Variants in KIF9 observed in about 807,000 individuals in gnomAD.
The protein encoded by KIF9 is kinesin family member 9.
A neutral mutation model predicts 94.8 loss-of-function variants in KIF9; 68 were observed. That is an observed-to-expected ratio of 0.72 (90% CI 0.59 to 0.88). The LOEUF (loss-of-function observed/expected upper bound fraction) is 0.88. Among genes scored for constraint, KIF9 ranks in the 40% least tolerant of loss-of-function variants. The probability of loss-of-function intolerance (pLI) is 0.00; values close to 1 mark genes in which losing one functional copy is unlikely to be tolerated. For synonymous variants in KIF9, 343 were observed against 362.1 expected (o/e 0.95, Z 0.60); for missense variants, 882 against 982.5 (o/e 0.90, Z 1.37).
intron 3 of KIF9, among the ~76,000 whole-genome samples, chr3:47,274,498 A>T (rs1422499356): frequency 6.6e-6 from 1 of 152,240 alleles, no homozygotes; most frequent in Admixed American, 6.5e-5. Flanking sequence ...TGTCACACAG[A>T]CACTCTAGTT....
At chr3:47,250,007 C>T (rs528941808) in intron 10 of KIF9, among the ~76,000 whole-genome samples, 1 of 152,116 alleles carries the variant, frequency 6.6e-6, no homozygotes, top group East Asian at 1.9e-4. Flanking sequence ...TGAGACCGCA[C>T]CATTGCACTC....
At chr3:47,267,784 C>A (rs1701377483) in intron 5 of KIF9, among the ~76,000 whole-genome samples, 2 of 147,796 alleles carry the variant, frequency 1.4e-5, no homozygotes. Context: ...GTTATTTTAT[C>A]TTTTTTATAC....
At position 47,282,339 on chromosome 3, in the gene KIF9, C is replaced by T. The variant is rs1354403980; in HGVS notation, c.-6+156G>A. The T allele has an allele frequency of 1.1e-5, 11 of 986,032 alleles. No individual in the cohort carries two copies. In the South Asian group the frequency reaches 5.1e-4, roughly 46 times the overall value. The allele number at this position is 986,032 out of a possible 1,614,324, so 61.1% of individuals were successfully genotyped here. On this transcript the variant is annotated intron_variant, in intron 1 of 20. Coordinates refer to ENST00000684063, the MANE Select transcript of KIF9 (RefSeq NM_182902.4). ...CGCGGTCAGGTTGAAAGGACTCCCG[C>T]GACGTCGAGCCCTCCTTCGCCTGGG...
At chr3:47,251,853 C>G (rs1700292382) in intron 10 of KIF9, among the ~76,000 whole-genome samples, 1 of 152,120 alleles carries the variant, frequency 6.6e-6, no homozygotes, top group South Asian at 2.1e-4. Flanking sequence ...GCCCTTTACA[C>G]CACTTCACAG....
At chr3:47,263,375 C>G (rs1701101383) in intron 9 of KIF9, among the ~76,000 whole-genome samples, 1 of 152,154 alleles carries the variant, frequency 6.6e-6, no homozygotes, top group Non-Finnish European at 1.5e-5. Context: ...CTTGGATAAT[C>G]TCCCTGACTA....
At chr3:47,261,150 G>A (rs1169829064) in intron 9 of KIF9, among the ~76,000 whole-genome samples, 1 of 152,234 alleles carries the variant, frequency 6.6e-6, no homozygotes, top group African/African-American at 2.4e-5. Flanking sequence ...ACTCAGCAGA[G>A]GTCTAAAATG....
intron 9 of KIF9, chr3:47,263,602 C>T: frequency 3.2e-6 from 1 of 313,082 alleles, no homozygotes; most frequent in East Asian, 8.8e-5. Context: ...GCCAGGAATA[C>T]CTCTGCTTAT....
chr3:47,256,763 T>TA (rs1199653532), intron 10 of KIF9, among the ~76,000 whole-genome samples: 1 of 152,032 alleles, frequency 6.6e-6, no homozygotes, highest in African/African-American at 2.4e-5. Flanking sequence ...TAGAAGGAGG[T>TA]AGACATGGGA....
chr3:47,276,555 CAA>C (rs752825599), intron 2 of KIF9, among the ~76,000 whole-genome samples: 12 of 58,694 alleles, frequency 2.0e-4, no homozygotes, highest in Admixed American at 6.0e-4. Flanking sequence ...GACTCTGTCT[CAA>C]AAAAAAAAAA....
chr3:47,271,980 C>T (rs571437663), intron 4 of KIF9, among the ~76,000 whole-genome samples: 33 of 152,008 alleles, frequency 2.2e-4, no homozygotes, highest in South Asian at 2.1e-4. Flanking sequence ...ATTAGCTGGG[C>T]GTGGTGGCGT....
At chr3:47,234,923 T>C (rs1698908092) in intron 20 of KIF9, among the ~76,000 whole-genome samples, 1 of 152,228 alleles carries the variant, frequency 6.6e-6, no homozygotes. Flanking sequence ...TGTTAATAAA[T>C]AACTACAAAA....
chr3:47,263,837 G>A, intron 9 of KIF9: 1 of 456,738 alleles, frequency 2.2e-6, no homozygotes, highest in South Asian at 1.5e-5. Context: ...GCTTACCATG[G>A]TGCACATGGC....
chr3:47,270,020 C>T (rs1012474680), intron 5 of KIF9, among the ~76,000 whole-genome samples: 2 of 151,450 alleles, frequency 1.3e-5, no homozygotes, highest in African/African-American at 4.9e-5. Context: ...CGCCTGCCTC[C>T]GCCTCCCAAA....
intron 20 of KIF9, among the ~76,000 whole-genome samples, chr3:47,232,100 A>C (rs1698632057): frequency 6.6e-6 from 1 of 152,166 alleles, no homozygotes; most frequent in African/African-American, 2.4e-5. Context: ...GGATGGGATT[A>C]GTGCCCTATA....
intron 10 of KIF9, among the ~76,000 whole-genome samples, chr3:47,253,473 T>A (rs1213392363): frequency 6.7e-6 from 1 of 148,920 alleles, no homozygotes; most frequent in Non-Finnish European, 1.5e-5. Context: ...TTTTTTTTTT[T>A]AAGAAGTAAA....
Position 47,244,909 on chromosome 3 carries a change from C to T in KIF9, c.1396G>A (p.Val466Ile). Residue 466 changes from valine (V) to isoleucine (I), a missense_variant, in exon 15 of 21, where the codon GTT (valine) becomes ATT (isoleucine). Val to Ile is a conservative substitution (Grantham distance 29). Coordinates refer to ENST00000684063, the MANE Select transcript of KIF9 (RefSeq NM_182902.4). ...SAIQKAGLVDVDGHLVGEPEG... is the reference protein window; with the variant it reads ...SAIQKAGLVDIDGHLVGEPEG... Reference sequence around the variant, plus strand: ...GGCTCACCCACTAGGTGGCCATCAACATCCACAAGCCCCGCCTACATAGAG... The same window carrying T: ...GGCTCACCCACTAGGTGGCCATCAATATCCACAAGCCCCGCCTACATAGAG... 3.7e-6 allele frequency: 6 copies of T among 1,614,154 alleles called. No individual in the cohort carries two copies. The highest frequency in any genetic ancestry group is 2.2e-5 in the East Asian group (1 of 44,886).
chr3:47,244,695 G>T, intron 15 of KIF9, 96 bp downstream of exon 15: 1 of 1,467,296 alleles, frequency 6.8e-7, no homozygotes, highest in Non-Finnish European at 9.4e-7. Flanking sequence ...CCCAGTAGCT[G>T]AGACACCAGG....
chr3:47,273,444 C>T, intron 4 of KIF9, 108 bp downstream of exon 4: 1 of 804,544 alleles, frequency 1.2e-6, no homozygotes, highest in South Asian at 1.7e-5. Flanking sequence ...ACTGCAACTC[C>T]TTTGAGGCCT....
At chr3:47,260,021 G>C (rs908801012) in intron 9 of KIF9, among the ~76,000 whole-genome samples, 1 of 84,504 alleles carries the variant, frequency 1.2e-5, no homozygotes, top group Admixed American at 1.4e-4. Context: ...ACAAGAGGAA[G>C]GCATCTGTCT....
Sources: gnomAD v4.1 joint callset for allele counts (sites outside exome capture counted in the v4.1 genomes callset) on GRCh38, gnomAD v4.1.1 for gene constraint, MANE v1.5 for transcripts, NCBI Gene and HGNC (gene_info 2026-07-23, HGNC 2026-07-21) for gene names.